ZNF839: variants seen among roughly 807,000 people sequenced by gnomAD.
The protein encoded by ZNF839 is zinc finger protein 839, also known as renal carcinoma antigen NY-REN-50.
Under a neutral mutation model 56.4 loss-of-function variants are expected in ZNF839, and 38 were observed. The ratio of observed to expected loss-of-function variants is 0.67; its 90% CI spans 0.52 to 0.88. The LOEUF is 0.88. ZNF839 is among the 40% of genes least tolerant of loss of function. The probability of loss-of-function intolerance (pLI) is 0.00; values close to 1 mark genes in which losing one functional copy is unlikely to be tolerated. For synonymous variants in ZNF839, 486 were observed against 493.5 expected (o/e 0.98, Z 0.20); for missense variants, 1,091 against 1,177.6 (o/e 0.93, Z 1.08).
Position 102,338,864 on chromosome 14 carries a change from C to T in ZNF839, c.1708C>T (p.His570Tyr), listed in dbSNP as rs1183937625. The change falls in exon 6 of 8, where the codon CAC (histidine) becomes TAC (tyrosine). Residue 570 changes from histidine (H) to tyrosine (Y), a missense_variant. This residue lies in a region of ZNF839 where 431 missense variants were observed against 468.0 expected (regional missense o/e 0.92). Coordinates refer to ENST00000442396, the MANE Select transcript of ZNF839 (RefSeq NM_018335.6). ...AGAATTCCTACGGAAGAAAGAAATA[C>T]ACCCAGACAACCTTGGACCCAAGCA... is the stretch of plus-strand genomic sequence containing the variant. ...ITEFLRKKEIHPDNLGPKHLS... is the reference protein window; with the variant it reads ...ITEFLRKKEIYPDNLGPKHLS... The T allele has an allele frequency of 6.2e-7, 1 of 1,613,870 alleles. No individual in the cohort carries two copies. The highest frequency in any genetic ancestry group is 1.7e-5 in the Admixed American group (1 of 59,992).
chr14:102,328,648 C>A (rs931297830), intron 2 of ZNF839, among the ~76,000 whole-genome samples: 2 of 151,920 alleles, frequency 1.3e-5, no homozygotes, highest in African/African-American at 2.4e-5. Context: ...AACACCAACT[C>A]TCCATTCCCT....
intron 7 of ZNF839, among the ~76,000 whole-genome samples, chr14:102,339,434 A>G (rs1183579349): frequency 6.6e-6 from 1 of 152,132 alleles, no homozygotes; most frequent in Non-Finnish European, 1.5e-5. Flanking sequence ...AGGGTTTTCT[A>G]GAGTGCCTTG....
chr14:102,336,733 CTT>C (rs369596864), intron 5 of ZNF839: 1,692 of 285,750 alleles, frequency 5.9e-3, no homozygotes, highest in South Asian at 9.7e-3. Context: ...TCATTTTCTT[CTT>C]TTTTTTTTTT....
rs767751406 is a variant in ZNF839, at chr14:102,342,022, A to G, written c.2627A>G (p.Asn876Ser). 56 of 1,613,842 alleles carry G rather than the reference A, an allele frequency of 3.5e-5. No individual in the cohort carries two copies. Among genetic ancestry groups the G allele is most frequent in the Middle Eastern group, 1.6e-4 (1 of 6,084 alleles). Residue 876 changes from asparagine to serine, a missense_variant, in exon 8 of 8, where the codon AAT becomes AGT. Physicochemically the swap from Asn to Ser is conservative, Grantham distance 46 (BLOSUM62 1). Transcript: ENST00000442396. The part of the protein sequence containing the change: ...VGEAMAFEIS[N>S]GSHELLSQGQ... ...GAAGCCATGGCTTTTGAAATTTCCA[A>G]TGGGAGCCATGAGTTACTGTCTCAG...
At chr14:102,320,140 A>G (rs1597703847) in intron 1 of ZNF839, 87 bp downstream of exon 1, 2 of 1,059,434 alleles carry the variant, frequency 1.9e-6, no homozygotes, top group Admixed American at 5.5e-5. Flanking sequence ...CGGGGAGGCC[A>G]GTATCCGCCC....
At chr14:102,330,983 G>A (rs377568072) in intron 2 of ZNF839, among the ~76,000 whole-genome samples, 19 of 152,252 alleles carry the variant, frequency 1.2e-4, no homozygotes, top group Admixed American at 7.2e-4. Flanking sequence ...AGGACCTGTC[G>A]GGAGGGAGGA....
chr14:102,332,450 C>T lies in ZNF839; in HGVS notation c.1416+604C>T, dbSNP rs1224986091. ...GCCCGGCCTTCAGAACCATTCTTGA[C>T]TTACAGATGATAATTTCTCCAGAAA... On this transcript the variant is annotated intron_variant, in intron 3 of 7. Coordinates refer to ENST00000442396, the MANE Select transcript of ZNF839 (RefSeq NM_018335.6). This position sits in a 1 kb window ranked among gnomAD's most constrained non-coding sequence, Gnocchi z 4.9. 1.3e-5 allele frequency among the ~76,000 whole-genome samples: 2 copies of T among 151,934 alleles called. No individual in the cohort carries two copies. Among genetic ancestry groups the T allele is most frequent in the Non-Finnish European group, 2.9e-5 (2 of 67,996 alleles).
chr14:102,340,695 TGTGA>T lies in ZNF839; in HGVS notation c.1928-625_1928-622del, dbSNP rs574881142. Among the ~76,000 whole-genome samples the T allele has an allele frequency of 3.7e-4, 57 of 152,236 alleles. No individual in the cohort carries two copies. The South Asian group carries it at 0.011, about 29-fold the overall frequency. ...GGTAGGGTTGTTGGGAGGGTGTGGATGTGAGTATTTGGAAAGGCCTCTTTGGGTG... is the reference window on the plus strand; with the variant it reads ...GGTAGGGTTGTTGGGAGGGTGTGGATGTATTTGGAAAGGCCTCTTTGGGTG... On this transcript the variant is annotated intron_variant, in intron 7 of 7. Coordinates refer to ENST00000442396, the MANE Select transcript of ZNF839 (RefSeq NM_018335.6).
Position 102,325,341 on chromosome 14 carries a change from G to GA in ZNF839, c.289-628dup, listed in dbSNP as rs199569682. Among the ~76,000 whole-genome samples the GA allele has an allele frequency of 6.0e-3, 624 of 104,626 alleles. 12 individuals are homozygous for GA. The East Asian group carries it at 0.1, about 17-fold the overall frequency. The allele number at this position is 104,626 out of a possible 152,430, so 68.6% of individuals were successfully genotyped here. A position where few individuals can be genotyped will look rare whatever the true frequency, so the allele number is the denominator to read the frequency against. On this transcript the variant is annotated intron_variant, in intron 1 of 7. Transcript: ENST00000442396. The stretch of plus-strand genomic sequence containing the variant: ...GTGACAGAGTGAGACCCTAATCTCA[G>GA]AAAAAAAAAAAAAAAATGATGTAGA...
At position 102,332,394 on chromosome 14, in the gene ZNF839, A is replaced by G. The variant is rs1737123412; in HGVS notation, c.1416+548A>G. ...GTGATCCACCCGCCTTGGCTTCCCA[A>G]AGTGTTGGGATTACAGGCATGAGCC... On this transcript the variant is annotated intron_variant, in intron 3 of 7. Transcript: ENST00000442396. The surrounding 1 kb of genome is among the most constrained non-coding windows in gnomAD (Gnocchi z 4.9). Among the ~76,000 whole-genome samples, 1 of 151,974 alleles carries G rather than the reference A, an allele frequency of 6.6e-6. No individual in the cohort carries two copies. The highest frequency in any genetic ancestry group is 2.4e-5 in the African/African-American group (1 of 41,428).
At chr14:102,331,222 A>G (rs2139530370) in intron 2 of ZNF839, among the ~76,000 whole-genome samples, 1 of 152,372 alleles carries the variant, frequency 6.6e-6, no homozygotes, top group East Asian at 1.9e-4. Flanking sequence ...GTCAGGTTTT[A>G]AAATGACAGT....
chr14:102,319,679 C>T (rs1756356760), upstream of ZNF839: 7 of 1,211,546 alleles, frequency 5.8e-6, no homozygotes, highest in African/African-American at 6.3e-5. The surrounding 1 kb of genome is among the most constrained non-coding windows in gnomAD (Gnocchi z 4.5). Flanking sequence ...GCCTGCGAGG[C>T]ACTCGTAGCC....
intron 2 of ZNF839, chr14:102,331,386 C>G (rs2073771433): frequency 7.1e-6 from 3 of 423,864 alleles, no homozygotes; most frequent in Non-Finnish European, 1.3e-5. Flanking sequence ...GTAGCCAGGA[C>G]TACAGGCGCG....
intron 2 of ZNF839, among the ~76,000 whole-genome samples, chr14:102,329,874 A>G (rs557069556): frequency 6.2e-5 from 9 of 146,292 alleles, no homozygotes; most frequent in African/African-American, 2.1e-4. Flanking sequence ...GCTCACTGCA[A>G]CCTCCATCTC....
intron 7 of ZNF839, among the ~76,000 whole-genome samples, chr14:102,340,435 C>T (rs1309319381): frequency 5.9e-5 from 9 of 151,844 alleles, no homozygotes; most frequent in Admixed American, 5.3e-4. Flanking sequence ...CCACATCTGG[C>T]TAATTTTTGT....
At position 102,342,192 on chromosome 14, in the gene ZNF839, TAGA is replaced by T; in HGVS notation, c.*16_*18del. ...ATGGGCCCGCTAGAAGGAGTTCCTC[TAGA>T]AGCTGTGGAGTCGGTCGTCACCGTG... On this transcript the variant is annotated 3_prime_UTR_variant, in exon 8 of 8. Transcript: ENST00000442396. The T allele has an allele frequency of 6.3e-7, 1 of 1,593,274 alleles. No homozygotes were observed.
At position 102,326,390 on chromosome 14, in the gene ZNF839, T is replaced by A; in HGVS notation, c.694T>A (p.Leu232Met). Residue 232 changes from leucine (L) to methionine (M), a missense_variant, in exon 2 of 8, where the codon TTG (leucine) becomes ATG (methionine). Coordinates refer to ENST00000442396, the MANE Select transcript of ZNF839 (RefSeq NM_018335.6). The surrounding 1 kb of genome is among the most constrained non-coding windows in gnomAD (Gnocchi z 4.3). The part of the protein sequence containing the change: ...SSSAHPFISN[L>M]HTRHTEKLKK... ...TTCAGCACATCCATTTATTTCCAAC[T>A]TGCATACAAGACATACTGAGAAACT... is the stretch of plus-strand genomic sequence containing the variant. The A allele has an allele frequency of 6.2e-7, 1 of 1,612,518 alleles. No individual in the cohort carries two copies. The highest frequency in any genetic ancestry group is 8.5e-7 in the Non-Finnish European group (1 of 1,179,182).
rs1186646561 is a variant in ZNF839 at position 102,341,343 on chromosome 14, G to A, written c.1948G>A (p.Val650Met). The A allele has an allele frequency of 6.6e-7, 1 of 1,520,998 alleles. No homozygotes were observed. 94.2% of individuals were successfully genotyped at this position (1,520,998 alleles called of 1,614,324 possible). A position where few individuals can be genotyped will look rare whatever the true frequency, so the allele number is the denominator to read the frequency against. ...LAAGFSPPVN[V>M]TVSPRSEESH... ...TTTAGGTTTTTCCCCTCCAGTAAATGTGACTGTCTCTCCCCGTTCTGAAGA... is the reference window on the plus strand; with the variant it reads ...TTTAGGTTTTTCCCCTCCAGTAAATATGACTGTCTCTCCCCGTTCTGAAGA... Residue 650 changes from valine (V) to methionine (M), a missense_variant, in exon 8 of 8, where the codon GTG becomes ATG. Physicochemically the swap from Val to Met is conservative, Grantham distance 21. Around this residue, in one of 3 missense-constraint regions of ZNF839, gnomAD observed 431 missense variants for 468.0 expected, o/e 0.92. Coordinates refer to ENST00000442396, the MANE Select transcript of ZNF839 (RefSeq NM_018335.6).
intron 2 of ZNF839, among the ~76,000 whole-genome samples, chr14:102,331,257 C>A (rs1349194210): frequency 6.6e-6 from 1 of 150,956 alleles, no homozygotes; most frequent in South Asian, 2.1e-4. Flanking sequence ...CTTTTTTTTT[C>A]TTTTTTTTGA....
Sources: allele counts gnomAD v4.1 joint callset (sites outside exome capture counted in the v4.1 genomes callset), GRCh38; gene constraint gnomAD v4.1.1; regional missense constraint gnomAD v4.1.1; non-coding constraint Gnocchi (gnomAD v3.1); transcripts MANE v1.5; gene names NCBI Gene and HGNC (gene_info 2026-07-23, HGNC 2026-07-21).